The following PER2 variants were observed in gnomAD, a reference collection of about 807,000 sequenced individuals.
PER2 encodes the protein period circadian regulator 2, also known as period circadian protein homolog 2.
In PER2, 66 loss-of-function variants were observed where a neutral mutation model predicts 121.0. The observed-to-expected ratio is 0.55, with a 90% confidence interval of 0.45 to 0.67. The LOEUF (loss-of-function observed/expected upper bound fraction) is 0.67. Ranked by LOEUF, PER2 falls within the 30% of genes least tolerant of loss-of-function variation. The pLI, the probability that PER2 is intolerant of heterozygous loss-of-function variation, is 0.00. For synonymous variants in PER2, 684 were observed against 659.9 expected (o/e 1.04, Z -0.56); for missense variants, 1,521 against 1,635.0 (o/e 0.93, Z 1.20).
upstream of PER2, among the ~76,000 whole-genome samples, chr2:238,290,268 A>G (rs1024533760): frequency 6.6e-6 from 1 of 151,994 alleles, no homozygotes; most frequent in Non-Finnish European, 1.5e-5. Context: ...TCTGACATTG[A>G]CACCTCGACA....
chr2:238,274,734 A>G (rs1366378721), intron 4 of PER2, among the ~76,000 whole-genome samples: 1 of 152,168 alleles, frequency 6.6e-6, no homozygotes, highest in Non-Finnish European at 1.5e-5. Flanking sequence ...TCCCAGGGGC[A>G]CCGGATTTCC....
At position 238,261,834 on chromosome 2, in the gene PER2, G is replaced by C. The variant is rs1250301962; in HGVS notation, c.1311C>G (p.Gly437=). The C allele has an allele frequency of 1.3e-6, 2 of 1,556,440 alleles. No homozygotes were observed. Among genetic ancestry groups the C allele is most frequent in the Admixed American group, 1.9e-5 (1 of 52,086 alleles). The change falls in exon 12 of 23, where the codon GGC becomes GGG. Residue 437 remains glycine, a synonymous_variant. Coordinates refer to ENST00000254657, the MANE Select transcript of PER2 (RefSeq NM_022817.3). ...CTGCAAACACGTCCTCATTCAAAGGGCCCCTGCGTGGTTTTAATTCATCTT... is the reference window on the plus strand; with the variant it reads ...CTGCAAACACGTCCTCATTCAAAGGCCCCCTGCGTGGTTTTAATTCATCTT... ...FIIGRHKVRV[G]PLNEDVFAAH...
At chr2:238,265,442 C>T in intron 9 of PER2, 70 bp downstream of exon 9, 1 of 883,070 alleles carries the variant, frequency 1.1e-6, no homozygotes, top group Non-Finnish European at 1.9e-6. Flanking sequence ...AACCAAGATG[C>T]AGTCTTGGCT....
intron 4 of PER2, among the ~76,000 whole-genome samples, chr2:238,273,921 C>A (rs1213599327): frequency 2.6e-5 from 4 of 152,216 alleles, no homozygotes; most frequent in African/African-American, 9.6e-5. Flanking sequence ...CCGCCTCGGC[C>A]TCCCAAAGTG....
At chr2:238,277,042 A>G (rs1378305115) in intron 3 of PER2, 89 bp downstream of exon 3, 4 of 1,003,114 alleles carry the variant, frequency 4.0e-6, no homozygotes, top group Non-Finnish European at 6.4e-6. Flanking sequence ...GCTTAAAAAA[A>G]GCCACGTCAC....
upstream of PER2, chr2:238,289,190 G>T (rs1273325592): frequency 6.6e-6 from 1 of 152,210 alleles, no homozygotes; most frequent in Non-Finnish European, 1.5e-5. Context: ...CCGGACGAGG[G>T]AGACCTCCAC....
chr2:238,286,925 C>A (rs1411433782), intron 1 of PER2, among the ~76,000 whole-genome samples: 1 of 152,184 alleles, frequency 6.6e-6, no homozygotes. Flanking sequence ...TTACTTGGCC[C>A]AAAGGCAAGA....
At chr2:238,261,341 G>A in intron 12 of PER2, 1 of 386,390 alleles carries the variant, frequency 2.6e-6, no homozygotes, top group Non-Finnish European at 4.8e-6. Flanking sequence ...GACTGCAGTG[G>A]GCCTGATTTT....
At chr2:238,271,696 G>A (rs1297052677) in intron 5 of PER2, among the ~76,000 whole-genome samples, 183 bp from the exon 6 acceptor site, 3 of 152,034 alleles carry the variant, frequency 2.0e-5, no homozygotes, top group African/African-American at 7.2e-5. Flanking sequence ...CAGGAGCATC[G>A]CCATCTTGGA....
Position 238,268,258 on chromosome 2 carries a change from T to C in PER2, c.825-60A>G. On this transcript the variant is annotated intron_variant, in intron 7 of 22. Transcript: ENST00000254657. The surrounding 1 kb of genome is among the most constrained non-coding windows in gnomAD (Gnocchi z 4.0). The stretch of plus-strand genomic sequence containing the variant: ...GTGACACAGGAACAGTCCCCTGTTC[T>C]GTTCCCTCCTCACCTGGGCCCCATG... The C allele has an allele frequency of 6.4e-7, 1 of 1,555,906 alleles. No homozygotes were observed. Among genetic ancestry groups the C allele is most frequent in the Non-Finnish European group, 8.8e-7 (1 of 1,134,454 alleles).
chr2:238,263,594 T>TA (rs1696001372), intron 9 of PER2, among the ~76,000 whole-genome samples: 1 of 152,180 alleles, frequency 6.6e-6, no homozygotes, highest in African/African-American at 2.4e-5. Flanking sequence ...AGCTGTGGCT[T>TA]TGCTCCATTG....
At position 238,277,865 on chromosome 2, in the gene PER2, G is replaced by A. The variant is rs1435057141; in HGVS notation, c.72C>T (p.Ser24=). The change falls in exon 2 of 23, where the codon AGC becomes AGT. Residue 24 remains serine, a synonymous_variant. Transcript: ENST00000254657. ...CCACATCTTCCTGCAGTGGGACCTG[G>A]CTGGGCTGGGGCTCCACGGGCTCCT... ...PTKEPVEPQP[S]QVPLQEDVDM... The A allele has an allele frequency of 6.2e-7, 1 of 1,614,100 alleles. No homozygotes were observed. The highest frequency in any genetic ancestry group is 1.3e-5 in the African/African-American group (1 of 74,946).
chr2:238,293,278 A>G (rs924673829), upstream of PER2, among the ~76,000 whole-genome samples: 6 of 152,150 alleles, frequency 3.9e-5, no homozygotes, highest in African/African-American at 1.2e-4. Context: ...GTACCTGAAG[A>G]TTCTGTCTTT....
intron 13 of PER2, among the ~76,000 whole-genome samples, chr2:238,260,321 A>G (rs1695889224): frequency 1.3e-5 from 2 of 151,788 alleles, no homozygotes; most frequent in South Asian, 4.1e-4. Context: ...CAGTGGCGCA[A>G]TCTTGTCTCT....
chr2:238,297,384 C>T, the PER2 span, among the ~76,000 whole-genome samples: 1 of 152,272 alleles, frequency 6.6e-6, no homozygotes, highest in East Asian at 1.9e-4. Context: ...GAGACCAGAG[C>T]CTTGCATTGT....
At chr2:238,281,178 A>G (rs987020844) in intron 1 of PER2, among the ~76,000 whole-genome samples, 7 of 151,926 alleles carry the variant, frequency 4.6e-5, no homozygotes, top group Non-Finnish European at 8.8e-5. Flanking sequence ...TAATTTTTGT[A>G]TTTTTAGTAG....
intron 16 of PER2, among the ~76,000 whole-genome samples, chr2:238,257,316 T>A (rs78445704): frequency 1.3e-5 from 2 of 152,142 alleles, no homozygotes; most frequent in Non-Finnish European, 2.9e-5. Flanking sequence ...GTTACACACT[T>A]AAATCCTGAG....
Position 238,268,386 on chromosome 2 carries a change from CAG to C in PER2, c.825-190_825-189del, listed in dbSNP as rs1480443413. Among the ~76,000 whole-genome samples, 3 of 152,198 alleles carry C rather than the reference CAG, an allele frequency of 2.0e-5. No individual in the cohort carries two copies. The highest frequency in any genetic ancestry group is 2.9e-5 in the Non-Finnish European group (2 of 68,030). On this transcript the variant is annotated intron_variant, in intron 7 of 22. Transcript: ENST00000254657. The surrounding 1 kb of genome is among the most constrained non-coding windows in gnomAD (Gnocchi z 4.0). The stretch of plus-strand genomic sequence containing the variant: ...AGTCCCATCATACTGAAGGGCAAAT[CAG>C]AGTTAACACCCCCACCAGTGGGGCA...
chr2:238,290,071 A>G (rs1295888287), upstream of PER2: 1 of 152,280 alleles, frequency 6.6e-6, no homozygotes, highest in East Asian at 1.9e-4. Flanking sequence ...AGGAAAAGTT[A>G]TGAACCCACA....
Sources: allele counts gnomAD v4.1 joint callset (sites outside exome capture counted in the v4.1 genomes callset), GRCh38; gene constraint gnomAD v4.1.1; non-coding constraint Gnocchi (gnomAD v3.1); transcripts MANE v1.5; gene names NCBI Gene and HGNC (gene_info 2026-07-23, HGNC 2026-07-21).